Variants in CAPN2 observed in about 807,000 individuals in gnomAD.
CAPN2 encodes the protein calpain 2.
A neutral mutation model predicts 102.3 loss-of-function variants in CAPN2; 92 were observed. That is an observed-to-expected ratio of 0.90 (90% CI 0.76 to 1.07). The LOEUF is 1.07. CAPN2 is among the 50% of genes least tolerant of loss of function. The pLI, the probability that CAPN2 is intolerant of heterozygous loss-of-function variation, is 0.00. For missense variants in CAPN2, 800 were observed against 909.4 expected (o/e 0.88, Z 1.55); for synonymous variants, 340 against 355.4 (o/e 0.96, Z 0.49).
intron 2 of CAPN2, among the ~76,000 whole-genome samples, chr1:223,739,578 A>G (rs1335824436): frequency 6.6e-6 from 1 of 152,158 alleles, no homozygotes; most frequent in Non-Finnish European, 1.5e-5. Flanking sequence ...GCTTGTGCCA[A>G]GTGCACTGTT....
intron 1 of CAPN2, among the ~76,000 whole-genome samples, chr1:223,704,532 G>A (rs1659557992): frequency 6.6e-6 from 1 of 152,186 alleles, no homozygotes; most frequent in Non-Finnish European, 1.5e-5. Flanking sequence ...AGAAATTGAG[G>A]TCTAGGAAGA....
At chr1:223,718,702 C>A (rs996213347) in intron 2 of CAPN2, among the ~76,000 whole-genome samples, 4 of 152,218 alleles carry the variant, frequency 2.6e-5, no homozygotes, top group Non-Finnish European at 4.4e-5. Context: ...CAGACAAGTT[C>A]ATCAGTAGCA....
In CAPN2 at chr1:223,762,320, A is replaced by C. The variant is rs375959935; in HGVS notation, c.1632+69A>C. 1.3e-5 allele frequency: 16 copies of C among 1,239,588 alleles called. No individual in the cohort carries two copies. The African/African-American group carries it at 1.5e-4, about 11-fold the overall frequency. 76.8% of individuals were successfully genotyped at this position (1,239,588 alleles called of 1,614,324 possible). On this transcript the variant is annotated intron_variant, in intron 14 of 20. Transcript: ENST00000295006. The stretch of plus-strand genomic sequence containing the variant: ...AAGGAAGAGACAGTGTGTGTCCCCA[A>C]GGGGACTTTAGTTTAAAGGGGAGAG...
rs1291878152 is a variant in CAPN2, at chr1:223,731,282, A to G, written c.308-12818A>G. ...TTTGGCTTAAATTCCCTTAGGAGCC[A>G]GTTCAGATTCCTAAGCTGGCCCGGA... On this transcript the variant is annotated intron_variant, in intron 2 of 20. Transcript: ENST00000295006. The surrounding 1 kb of genome is among the most constrained non-coding windows in gnomAD (Gnocchi z 4.2). 2.6e-5 allele frequency among the ~76,000 whole-genome samples: 4 copies of G among 152,200 alleles called. No homozygotes were observed. The highest frequency in any genetic ancestry group is 6.5e-5 in the Admixed American group (1 of 15,282).
In CAPN2 at chr1:223,718,775, T is replaced by C. The variant is rs1033478891; in HGVS notation, c.307+944T>C. On this transcript the variant is annotated intron_variant, in intron 2 of 20. Transcript: ENST00000295006. ...CACCTAGCAGAGGTTCTGTTACTCA[T>C]ATACTCCTAATACCAGCTGATAACA... is the stretch of plus-strand genomic sequence containing the variant. 1.3e-3 allele frequency among the ~76,000 whole-genome samples: 199 copies of C among 152,262 alleles called. 1 individual carries two copies. Among genetic ancestry groups the C allele is most frequent in the African/African-American group, 4.4e-3 (183 of 41,470 alleles).
At position 223,759,135 on chromosome 1, in the gene CAPN2, C is replaced by T; in HGVS notation, c.1318-135C>T. The stretch of plus-strand genomic sequence containing the variant: ...CCCAGGCTGGTTTCTGACGCCTGGC[C>T]TCGCCTCCTTATACACCAGGACAGC... On this transcript the variant is annotated intron_variant, in intron 11 of 20. Transcript: ENST00000295006. This position sits in a 1 kb window ranked among gnomAD's most constrained non-coding sequence, Gnocchi z 4.6. 1 of 805,788 alleles carries T rather than the reference C, an allele frequency of 1.2e-6. No individual in the cohort carries two copies. The highest frequency in any genetic ancestry group is 2.1e-6 in the Non-Finnish European group (1 of 475,476). The allele number at this position is 805,788 out of a possible 1,614,324, so 49.9% of individuals were successfully genotyped here.
chr1:223,771,747 A>T, intron 18 of CAPN2, 62 bp from the exon 19 acceptor site: 1 of 1,011,844 alleles, frequency 9.9e-7, no homozygotes, highest in Non-Finnish European at 1.6e-6. Context: ...ATAGCCTGTG[A>T]GCGCAGCTAA....
At chr1:223,729,377 C>T (rs1660274630) in intron 2 of CAPN2, among the ~76,000 whole-genome samples, 1 of 152,140 alleles carries the variant, frequency 6.6e-6, no homozygotes, top group Non-Finnish European at 1.5e-5. Context: ...TTAAGGTAGG[C>T]TAGGCTAAGC....
chr1:223,744,381 C>A (rs1660698471), intron 3 of CAPN2, among the ~76,000 whole-genome samples, 163 bp downstream of exon 3: 1 of 152,018 alleles, frequency 6.6e-6, no homozygotes, highest in African/African-American at 2.4e-5. Flanking sequence ...CCTGGCTTAC[C>A]CGTGGCCAGG....
intron 2 of CAPN2, among the ~76,000 whole-genome samples, chr1:223,732,042 G>A (rs372132029): frequency 3.9e-5 from 6 of 152,174 alleles, no homozygotes; most frequent in South Asian, 2.1e-4. Context: ...CCTTCACCCC[G>A]AGCCATGGAA....
rs2275876 is a variant in CAPN2 at position 223,712,912 on chromosome 1, G to A, written c.237+35G>A. 12,892 of 1,450,978 alleles carry A rather than the reference G, an allele frequency of 8.9e-3. 711 individuals are homozygous for A. In the East Asian group the frequency reaches 0.16, roughly 18 times the overall value. 89.9% of individuals were successfully genotyped at this position (1,450,978 alleles called of 1,614,324 possible). On this transcript the variant is annotated intron_variant, in intron 1 of 20. Transcript: ENST00000295006. ...GCGCGGCAGGACGCGGGCAGGGCGG[G>A]GTGCCGGGCAGGGCGGGGTGCAGGC...
At chr1:223,749,302 G>A (rs981209145) in intron 6 of CAPN2, 180 bp downstream of exon 6, 1 of 604,754 alleles carries the variant, frequency 1.7e-6, no homozygotes, top group Non-Finnish European at 2.9e-6. Context: ...CTCGGGCGCC[G>A]GGTGCGCCGC....
In CAPN2 at chr1:223,754,832, G is replaced by A. The variant is rs1041235800; in HGVS notation, c.1136-648G>A. Among the ~76,000 whole-genome samples the A allele has an allele frequency of 6.6e-6, 1 of 152,092 alleles. No homozygotes were observed. The highest frequency in any genetic ancestry group is 6.5e-5 in the Admixed American group (1 of 15,272). ...ACCGAGGGGGCGGCGACCGGCAAGT[G>A]CAGGGAGCAGATCCCGGAGTCCCCC... On this transcript the variant is annotated intron_variant, in intron 9 of 20. Coordinates refer to ENST00000295006, the MANE Select transcript of CAPN2 (RefSeq NM_001748.5). The surrounding 1 kb of genome is among the most constrained non-coding windows in gnomAD (Gnocchi z 4.7).
At chr1:223,749,858 A>T (rs922372553) in intron 6 of CAPN2, among the ~76,000 whole-genome samples, 3 of 152,162 alleles carry the variant, frequency 2.0e-5, no homozygotes, top group African/African-American at 4.8e-5. Context: ...CTACAAAAAA[A>T]AGTTAGCTGG....
chr1:223,757,391 C>G lies in CAPN2; in HGVS notation c.1317+11C>G. ...CAGGTTCCAGAGGAGGTACGTCTGG[C>G]CCATGTCCCGGGGTGCTCAGGTCAC... On this transcript the variant is annotated intron_variant, in intron 11 of 20. Coordinates refer to ENST00000295006, the MANE Select transcript of CAPN2 (RefSeq NM_001748.5). The G allele has an allele frequency of 6.2e-7, 1 of 1,614,068 alleles. No individual in the cohort carries two copies. The highest frequency in any genetic ancestry group is 1.3e-5 in the African/African-American group (1 of 75,022).
In CAPN2 at chr1:223,755,354, C is replaced by T; in HGVS notation, c.1136-126C>T. On this transcript the variant is annotated intron_variant, in intron 9 of 20. Coordinates refer to ENST00000295006, the MANE Select transcript of CAPN2 (RefSeq NM_001748.5). This position sits in a 1 kb window ranked among gnomAD's most constrained non-coding sequence, Gnocchi z 4.1. ...CCCCACCACCTCTTACCATCTCCCA[C>T]CACCTCCCACCATCTCCCTTTATCT... The T allele has an allele frequency of 2.3e-6, 2 of 878,002 alleles. No homozygotes were observed. The highest frequency in any genetic ancestry group is 1.8e-6 in the Non-Finnish European group (1 of 561,950). 54.4% of individuals were successfully genotyped at this position (878,002 alleles called of 1,614,324 possible). A position where few individuals can be genotyped will look rare whatever the true frequency, so the allele number is the denominator to read the frequency against.
At chr1:223,723,538 G>A (rs1397492675) in intron 2 of CAPN2, among the ~76,000 whole-genome samples, 1 of 151,994 alleles carries the variant, frequency 6.6e-6, no homozygotes, top group African/African-American at 2.4e-5. Context: ...CTTCTCTTCT[G>A]GTTGTAAATG....
At chr1:223,771,962 T>C in intron 19 of CAPN2, 37 bp downstream of exon 19, 4 of 1,452,228 alleles carry the variant, frequency 2.8e-6, no homozygotes, top group Non-Finnish European at 3.9e-6. Context: ...ATTTCAGTTC[T>C]CTTGGTATTA....
chr1:223,728,538 A>T (rs2102783362), intron 2 of CAPN2, among the ~76,000 whole-genome samples: 1 of 152,342 alleles, frequency 6.6e-6, no homozygotes, highest in East Asian at 1.9e-4. Flanking sequence ...ATCAAAGAGA[A>T]GGGACATGGA....
Sources: gnomAD v4.1 joint callset for allele counts (sites outside exome capture counted in the v4.1 genomes callset) on GRCh38, gnomAD v4.1.1 for gene constraint, Gnocchi (gnomAD v3.1) non-coding constraint, MANE v1.5 for transcripts, NCBI Gene and HGNC (gene_info 2026-07-23, HGNC 2026-07-21) for gene names.